CADPS: variants seen among roughly 807,000 people sequenced by gnomAD.
CADPS encodes calcium dependent secretion activator, also known as calcium-dependent secretion activator 1.
A neutral mutation model predicts 167.3 loss-of-function variants in CADPS; 57 were observed. The ratio of observed to expected loss-of-function variants is 0.34; its 90% CI spans 0.28 to 0.42. CADPS has a LOEUF of 0.42. CADPS is among the 20% of genes least tolerant of loss of function. The pLI is 1.00. For missense variants in CADPS, 1,414 were observed against 1,738.1 expected (o/e 0.81, Z 3.32); for synonymous variants, 676 against 635.3 (o/e 1.06, Z -0.96).
intron 1 of CADPS, among the ~76,000 whole-genome samples, chr3:62,862,432 G>T (rs1254325576): frequency 6.6e-6 from 1 of 151,932 alleles, no homozygotes; most frequent in Non-Finnish European, 1.5e-5. Flanking sequence ...GGCCAGGATG[G>T]TCTCAATCTC....
Position 62,399,559 on chromosome 3 carries a change from T to C in CADPS, c.3909A>G (p.Gln1303=), listed in dbSNP as rs1559878532. Residue 1303 remains glutamine (Q), a synonymous_variant, in exon 30 of 30, where the codon CAA becomes CAG. Coordinates refer to ENST00000383710, the MANE Select transcript of CADPS (RefSeq NM_003716.4). The surrounding 1 kb of genome is among the most constrained non-coding windows in gnomAD (Gnocchi z 5.6). The stretch of plus-strand genomic sequence containing the variant: ...TGTTTAAGGTGGAGTCCAGGACCCC[T>C]TGCAATCGGAAATCTCTGTAGGTTT... The part of the protein sequence containing the change: ...VKKTYRDFRL[Q]GVLDSTLNSK... 1 of 1,614,014 alleles carries C rather than the reference T, an allele frequency of 6.2e-7. No homozygotes were observed. Among genetic ancestry groups the C allele is most frequent in the African/African-American group, 1.3e-5 (1 of 75,016 alleles).
rs368885472 is a variant in CADPS at position 62,492,408 on chromosome 3, C to T, written c.2766G>A (p.Ala922=). The change falls in exon 20 of 30, where the codon GCG becomes GCA. Residue 922 remains alanine (A), a synonymous_variant. Transcript: ENST00000383710. ...CTGCAAAGAGTGACAGGAACGTCTC[C>T]GCATGCTCCACCATTAAATCTGACC... ...AWWSDLMVEH[A]ETFLSLFAVD... 202 of 1,613,944 alleles carry T rather than the reference C, an allele frequency of 1.3e-4. 1 individual carries two copies. Among genetic ancestry groups the T allele is most frequent in the East Asian group, 6.0e-4 (27 of 44,880 alleles).
intron 17 of CADPS, among the ~76,000 whole-genome samples, chr3:62,506,061 A>G (rs1163243230): frequency 2.0e-5 from 3 of 152,218 alleles, no homozygotes; most frequent in African/African-American, 7.2e-5. Flanking sequence ...CTTCCAAGCC[A>G]GAGAATAACA....
chr3:62,495,834 T>C (rs2064652711), intron 18 of CADPS, among the ~76,000 whole-genome samples: 1 of 152,248 alleles, frequency 6.6e-6, no homozygotes, highest in South Asian at 2.1e-4. Flanking sequence ...CTGTGACCAC[T>C]GCTACCATAT....
intron 6 of CADPS, among the ~76,000 whole-genome samples, chr3:62,593,485 A>G (rs965403927): frequency 2.0e-5 from 3 of 152,166 alleles, no homozygotes; most frequent in African/African-American, 7.2e-5. Context: ...CAGAGAATTC[A>G]TCTCTATCCA....
chr3:62,700,591 A>T (rs2081208896), intron 3 of CADPS, among the ~76,000 whole-genome samples: 1 of 152,108 alleles, frequency 6.6e-6, no homozygotes, highest in South Asian at 2.1e-4. Context: ...CATTGGTGAC[A>T]TTAAAGTGAG....
intron 1 of CADPS, among the ~76,000 whole-genome samples, chr3:62,768,411 C>T (rs1363398612): frequency 2.6e-5 from 4 of 151,980 alleles, no homozygotes; most frequent in Admixed American, 1.3e-4. Context: ...CTATAGACCT[C>T]GCTTTTGTCT....
chr3:62,623,109 C>T (rs936389501), intron 6 of CADPS, among the ~76,000 whole-genome samples: 18 of 152,246 alleles, frequency 1.2e-4, no homozygotes, highest in African/African-American at 3.1e-4. Context: ...TACAGTATTA[C>T]GGTGATATGG....
chr3:62,451,219 T>A (rs1279433542), intron 26 of CADPS, among the ~76,000 whole-genome samples: 2 of 152,082 alleles, frequency 1.3e-5, no homozygotes, highest in African/African-American at 4.8e-5. Context: ...TCTATTGAGC[T>A]CTTCCATTAT....
At chr3:62,560,113 G>C (rs2078892076) in intron 9 of CADPS, among the ~76,000 whole-genome samples, 1 of 151,996 alleles carries the variant, frequency 6.6e-6, no homozygotes, top group African/African-American at 2.4e-5. Context: ...AATTGAGTTG[G>C]TTTATTGGGA....
At chr3:62,703,899 T>C (rs2081885783) in intron 3 of CADPS, among the ~76,000 whole-genome samples, 2 of 152,170 alleles carry the variant, frequency 1.3e-5, no homozygotes, top group South Asian at 4.1e-4. Context: ...AGCATGTTCC[T>C]CTGAAAGTTC....
At chr3:62,859,442 G>A (rs2080338833) in intron 1 of CADPS, among the ~76,000 whole-genome samples, 6 of 152,024 alleles carry the variant, frequency 3.9e-5, no homozygotes, top group Admixed American at 3.3e-4. Context: ...GATAGCTTTG[G>A]GCTCTCCACA....
chr3:62,438,136 T>C lies in CADPS; in HGVS notation c.3745A>G (p.Asn1249Asp). 6.2e-7 allele frequency: 1 copy of C among 1,613,496 alleles called. No homozygotes were observed. The highest frequency in any genetic ancestry group is 2.2e-5 in the East Asian group (1 of 44,876). The change falls in exon 28 of 30, where the codon AAT (asparagine) becomes GAT (aspartate). Residue 1249 changes from asparagine (N) to aspartate (D), a missense_variant. Around this residue, in one of 6 missense-constraint regions of CADPS, gnomAD observed 185 missense variants for 251.5 expected, o/e 0.74. Transcript: ENST00000383710. This position sits in a 1 kb window ranked among gnomAD's most constrained non-coding sequence, Gnocchi z 4.7. ...AACCTTTCTATGTACATCTCCTCAT[T>C]GACCTTATCACGCAGGACATCCTGA... The part of the protein sequence containing the change: ...HSQDVLRDKV[N>D]EEMYIERLFD...
intron 6 of CADPS, among the ~76,000 whole-genome samples, chr3:62,610,797 T>C (rs1006006863): frequency 1.3e-5 from 2 of 151,894 alleles, no homozygotes; most frequent in Non-Finnish European, 2.9e-5. Flanking sequence ...TTGCTGATTT[T>C]CCTCATCTCC....
intron 6 of CADPS, among the ~76,000 whole-genome samples, chr3:62,608,811 A>G (rs1246885071): frequency 6.6e-6 from 1 of 152,138 alleles, no homozygotes; most frequent in Non-Finnish European, 1.5e-5. Context: ...TTCCTCTGAA[A>G]TAATAAATTT....
At chr3:62,493,611 C>T in intron 19 of CADPS, 34 bp downstream of exon 19, 1 of 1,538,056 alleles carries the variant, frequency 6.5e-7, no homozygotes, top group Non-Finnish European at 8.8e-7. Flanking sequence ...TAGGGGTCCA[C>T]CTCTCTTCTT....
chr3:62,872,886 G>A (rs2082883634), intron 1 of CADPS, among the ~76,000 whole-genome samples: 2 of 152,178 alleles, frequency 1.3e-5, no homozygotes, highest in Admixed American at 1.3e-4. Context: ...GGCTGGTGCT[G>A]TTATTACTGG....
intron 1 of CADPS, among the ~76,000 whole-genome samples, chr3:62,862,261 G>T (rs1179856836): frequency 6.9e-6 from 1 of 145,376 alleles, no homozygotes; most frequent in Non-Finnish European, 1.5e-5. Context: ...TCTGTCGCCA[G>T]TCTGGGGTGC....
chr3:62,416,610 C>T (rs1347393821), intron 28 of CADPS, among the ~76,000 whole-genome samples: 8 of 152,050 alleles, frequency 5.3e-5, no homozygotes, highest in Admixed American at 2.0e-4. Context: ...ATGAAGACAC[C>T]GAACAATGCC....
Sources: gnomAD v4.1 joint callset for allele counts (sites outside exome capture counted in the v4.1 genomes callset) on GRCh38, gnomAD v4.1.1 for gene constraint, gnomAD v4.1.1 regional missense constraint, Gnocchi (gnomAD v3.1) non-coding constraint, MANE v1.5 for transcripts, NCBI Gene and HGNC (gene_info 2026-07-23, HGNC 2026-07-21) for gene names.